The following UBXN7 variants were observed in gnomAD, a reference collection of about 807,000 sequenced individuals.
The protein encoded by UBXN7 is UBX domain protein 7, also known as UBX domain-containing protein 7.
A neutral mutation model predicts 58.0 loss-of-function variants in UBXN7; 9 were observed. The ratio of observed to expected loss-of-function variants is 0.16; its 90% CI spans 0.09 to 0.27. UBXN7 has a LOEUF of 0.27. Among genes scored for constraint, UBXN7 ranks in the 10% least tolerant of loss-of-function variants. The pLI is 1.00. For missense variants in UBXN7, 328 were observed against 599.6 expected, an observed-to-expected ratio of 0.55 and a Z score of 4.73; for synonymous variants, 208 against 205.0, an observed-to-expected ratio of 1.01 and a Z score of -0.12.
At chr3:196,390,381 C>T (rs976613246) in intron 5 of UBXN7, among the ~76,000 whole-genome samples, 2 of 152,070 alleles carry the variant, frequency 1.3e-5, no homozygotes. Context: ...TAGTTTGGGG[C>T]ACCTGTTGGG....
intron 1 of UBXN7, among the ~76,000 whole-genome samples, chr3:196,418,887 C>G (rs1033527985): frequency 3.9e-5 from 6 of 152,176 alleles, no homozygotes; most frequent in African/African-American, 1.4e-4. Context: ...CTTTGCCATC[C>G]TATCTACAAT....
chr3:196,368,573 T>G (rs1256907427), intron 7 of UBXN7, among the ~76,000 whole-genome samples: 1 of 152,216 alleles, frequency 6.6e-6, no homozygotes, highest in Non-Finnish European at 1.5e-5. Context: ...CAGCTTATGC[T>G]ACATAGTGTC....
At chr3:196,425,746 T>C (rs1256718603) in intron 1 of UBXN7, among the ~76,000 whole-genome samples, 1 of 152,224 alleles carries the variant, frequency 6.6e-6, no homozygotes, top group Non-Finnish European at 1.5e-5. Flanking sequence ...CTCTCATCTC[T>C]GTCTGTATAC....
At position 196,391,932 on chromosome 3, in the gene UBXN7, TA is replaced by T; in HGVS notation, c.356-8del. 1 of 1,418,066 alleles carries T rather than the reference TA, an allele frequency of 7.1e-7. No homozygotes were observed. Among genetic ancestry groups the T allele is most frequent in the Non-Finnish European group, 9.4e-7 (1 of 1,059,180 alleles). 87.8% of individuals were successfully genotyped at this position (1,418,066 alleles called of 1,614,324 possible). A position where few individuals can be genotyped will look rare whatever the true frequency, so the allele number is the denominator to read the frequency against. ...AATTCTTGTTCTTGCCGAACTATAA[TA>T]CAGAAGGATGAAAGTTTCAGTTAGC... On this transcript the variant is annotated splice_region_variant and splice_polypyrimidine_tract_variant and intron_variant, in intron 4 of 10. Transcript: ENST00000296328.
chr3:196,389,875 A>G (rs1033662122), intron 5 of UBXN7, among the ~76,000 whole-genome samples: 1 of 151,700 alleles, frequency 6.6e-6, no homozygotes, highest in Non-Finnish European at 1.5e-5. Flanking sequence ...GGACACATTT[A>G]AAAAAAAATA....
chr3:196,432,402 T>G lies in UBXN7; in HGVS notation c.-3A>C. 6.3e-7 allele frequency: 1 copy of G among 1,589,080 alleles called. No homozygotes were observed. Among genetic ancestry groups the G allele is most frequent in the Non-Finnish European group, 8.6e-7 (1 of 1,164,182 alleles). On this transcript the variant is annotated 5_prime_UTR_variant, in exon 1 of 11. Transcript: ENST00000296328. ...GCGGAGCCCCCGTGGGCAGCCATCT[T>G]ACCGCCGCCGCCGCCGCCGAACAAC...
chr3:196,376,784 A>G (rs1406836562), intron 5 of UBXN7, among the ~76,000 whole-genome samples: 1 of 151,850 alleles, frequency 6.6e-6, no homozygotes, highest in Admixed American at 6.6e-5. Context: ...AGTGGCTCAC[A>G]CTGGTAATCT....
chr3:196,401,823 G>GAGAGGAGAGAAGAGA (rs1730000130), intron 3 of UBXN7, among the ~76,000 whole-genome samples: 1 of 120,314 alleles, frequency 8.3e-6, no homozygotes, highest in African/African-American at 3.1e-5. Context: ...GAAAAGAGAA[G>GAGAGGAGAGAAGAGA]AGAGAAGAGA....
intron 5 of UBXN7, among the ~76,000 whole-genome samples, chr3:196,378,458 A>G (rs1398946540): frequency 1.3e-5 from 2 of 152,220 alleles, no homozygotes; most frequent in African/African-American, 4.8e-5. Flanking sequence ...CAAGTTTATT[A>G]AGAAAGTAAA....
At chr3:196,376,438 C>A (rs936053037) in intron 5 of UBXN7, among the ~76,000 whole-genome samples, 11 of 145,396 alleles carry the variant, frequency 7.6e-5, no homozygotes, top group Non-Finnish European at 1.6e-4. Flanking sequence ...CCCAGCTACT[C>A]GGGAGGGTGA....
At chr3:196,395,715 C>G (rs1414020248) in intron 3 of UBXN7, among the ~76,000 whole-genome samples, 1 of 152,046 alleles carries the variant, frequency 6.6e-6, no homozygotes, top group Non-Finnish European at 1.5e-5. Context: ...ATCTCATCCT[C>G]CCAAAGTGCT....
At position 196,362,399 on chromosome 3, in the gene UBXN7, G is replaced by A. The variant is rs1728530507; in HGVS notation, c.1123C>T (p.Pro375Ser). The A allele has an allele frequency of 6.2e-7, 1 of 1,614,092 alleles. No individual in the cohort carries two copies. Among genetic ancestry groups the A allele is most frequent in the African/African-American group, 1.3e-5 (1 of 74,928 alleles). ...PLTEPPVRTD[P>S]GTATNHQGLP... ...CCTTGGTGGTTTGTGGCTGTTCCAG[G>A]ATCAGTTCTGACTGGTGGCTCAGTC... Residue 375 changes from proline (P) to serine (S), a missense_variant, in exon 9 of 11, where the codon CCT (proline) becomes TCT (serine). Pro to Ser is a moderately conservative substitution (Grantham distance 74). Transcript: ENST00000296328.
At chr3:196,425,685 T>A (rs1400094427) in intron 1 of UBXN7, among the ~76,000 whole-genome samples, 1 of 152,210 alleles carries the variant, frequency 6.6e-6, no homozygotes. Flanking sequence ...TTGCACTAGC[T>A]GTGCTTTACT....
At chr3:196,427,873 T>C (rs777474023) in intron 1 of UBXN7, among the ~76,000 whole-genome samples, 1 of 152,178 alleles carries the variant, frequency 6.6e-6, no homozygotes, top group African/African-American at 2.4e-5. Flanking sequence ...ACGCCCATAA[T>C]ACCAGCACTT....
At chr3:196,392,072 G>T in intron 4 of UBXN7, 147 bp from the exon 5 acceptor site, 1 of 398,458 alleles carries the variant, frequency 2.5e-6, no homozygotes, top group Non-Finnish European at 4.4e-6. Context: ...TGTTGACTCT[G>T]AAAAAAAAAA....
chr3:196,426,802 C>T (rs530378495), intron 1 of UBXN7, among the ~76,000 whole-genome samples: 1 of 151,142 alleles, frequency 6.6e-6, no homozygotes, highest in Admixed American at 6.6e-5. Context: ...GAGCCAAGAT[C>T]GTACCTTTGC....
At chr3:196,413,908 C>T (rs911718053) in intron 1 of UBXN7, among the ~76,000 whole-genome samples, 6 of 152,150 alleles carry the variant, frequency 3.9e-5, no homozygotes, top group Non-Finnish European at 7.4e-5. Context: ...AATGCTATTA[C>T]ATTGTACCTA....
chr3:196,371,315 A>C (rs1728825255), intron 6 of UBXN7, among the ~76,000 whole-genome samples: 1 of 152,236 alleles, frequency 6.6e-6, no homozygotes, highest in Admixed American at 6.5e-5. Flanking sequence ...AAATAAATGC[A>C]GATCATCTCA....
At chr3:196,414,808 C>T (rs894632140) in intron 1 of UBXN7, 1 of 152,152 alleles carries the variant, frequency 6.6e-6, no homozygotes, top group Non-Finnish European at 1.5e-5. Context: ...CTTTTCTCAT[C>T]CCAGTTACAT....
Sources: allele counts gnomAD v4.1 joint callset (sites outside exome capture counted in the v4.1 genomes callset), GRCh38; gene constraint gnomAD v4.1.1; transcripts MANE v1.5; gene names NCBI Gene and HGNC (gene_info 2026-07-23, HGNC 2026-07-21).